KRTAP4-3: variants seen among roughly 807,000 people sequenced by gnomAD.
KRTAP4-3 encodes keratin associated protein 4-3.
In KRTAP4-3, 2 loss-of-function variants were observed where a neutral mutation model predicts 0.2. The ratio of observed to expected loss-of-function variants is 8.29; its 90% CI spans 3.39 to 26.09. KRTAP4-3 has a LOEUF of 26.09. Among genes scored for constraint, KRTAP4-3 ranks in the 30% most tolerant of loss-of-function variants. The probability of loss-of-function intolerance (pLI) is 0.03; values close to 1 mark genes in which losing one functional copy is unlikely to be tolerated. For synonymous variants in KRTAP4-3, 65 were observed against 83.6 expected, an observed-to-expected ratio of 0.78 and a Z score of 1.21; for missense variants, 186 against 247.4, an observed-to-expected ratio of 0.75 and a Z score of 1.67.
chr17:41,167,826 A>G lies in KRTAP4-3; in HGVS notation c.347T>C (p.Ile116Thr). The change falls in exon 1 of 1, where the codon ATC becomes ACC. Residue 116 changes from isoleucine (I) to threonine (T), a missense_variant. Physicochemically the swap from Ile to Thr is moderately conservative, Grantham distance 89. Coordinates refer to ENST00000391356, the MANE Select transcript of KRTAP4-3 (RefSeq NM_033187.2). ...ISSCCRPSCC[I>T]SSCCKPSCCQ... ...GCAGCTGGGTTTGCAACAGCTAGAG[A>G]TACAGCAGGAAGGCCTGCAGCAACT... is the stretch of plus-strand genomic sequence containing the variant. 6.2e-7 allele frequency: 1 copy of G among 1,600,246 alleles called. No homozygotes were observed. The highest frequency in any genetic ancestry group is 8.5e-7 in the Non-Finnish European group (1 of 1,175,702).
chr17:41,167,763 G>C lies in KRTAP4-3; in HGVS notation c.410C>G (p.Ser137Cys). 1.2e-6 allele frequency: 2 copies of C among 1,613,920 alleles called. No homozygotes were observed. Among genetic ancestry groups the C allele is most frequent in the Non-Finnish European group, 1.7e-6 (2 of 1,179,928 alleles). ...GCAGCACTGGGGCCTGTAGCAGCTGGAGATACAGCAGCTGGGGCGGCAGCA... is the reference window on the plus strand; with the variant it reads ...GCAGCACTGGGGCCTGTAGCAGCTGCAGATACAGCAGCTGGGGCGGCAGCA... Reference protein sequence around the residue: ...TTCCRPSCCISSCYRPQCCQP... With the variant: ...TTCCRPSCCICSCYRPQCCQP... The change falls in exon 1 of 1, where the codon TCC (serine) becomes TGC (cysteine). Residue 137 changes from serine to cysteine, a missense_variant. Coordinates refer to ENST00000391356, the MANE Select transcript of KRTAP4-3 (RefSeq NM_033187.2).
Position 41,167,646 on chromosome 17 carries a change from GGGCAGCTGAAAGGGCAGC to G in KRTAP4-3, c.509_526del (p.Arg170_Cys175del). On this transcript the variant is annotated inframe_deletion, in exon 1 of 1. Coordinates refer to ENST00000391356, the MANE Select transcript of KRTAP4-3 (RefSeq NM_033187.2). ...GCAGGTTGTTCTACAGCAGGTGGTCGGGCAGCTGAAAGGGCAGCGGCAGCTGGACACACAGCAGCTGGG... is the reference window on the plus strand; with the variant it reads ...GCAGGTTGTTCTACAGCAGGTGGTCGGGCAGCTGGACACACAGCAGCTGGG... The G allele has an allele frequency of 6.2e-7, 1 of 1,613,380 alleles. No homozygotes were observed. Among genetic ancestry groups the G allele is most frequent in the Non-Finnish European group, 8.5e-7 (1 of 1,179,480 alleles).
rs774851977 is a variant in KRTAP4-3 at position 41,167,748 on chromosome 17, G to A, written c.425C>T (p.Pro142Leu). Residue 142 changes from proline to leucine, a missense_variant, in exon 1 of 1, where the codon CCC becomes CTC. By Grantham distance (98) the Pro-to-Leu change is moderately conservative. This residue lies in a region of KRTAP4-3 where 139 missense variants were observed against 128.3 expected (regional missense o/e 1.08). Transcript: ENST00000391356. The stretch of plus-strand genomic sequence containing the variant: ...GCAGCAGGAGGGCTGGCAGCACTGG[G>A]GCCTGTAGCAGCTGGAGATACAGCA... ...PSCCISSCYR[P>L]QCCQPSCCRP... The A allele has an allele frequency of 6.8e-6, 11 of 1,613,728 alleles. No individual in the cohort carries two copies. The highest frequency in any genetic ancestry group is 6.7e-5 in the Admixed American group (4 of 59,934).
chr17:41,167,307 A>T lies in KRTAP4-3; in HGVS notation c.*278T>A, dbSNP rs1359854960. 4 of 333,806 alleles carry T rather than the reference A, an allele frequency of 1.2e-5. No homozygotes were observed. The highest frequency in any genetic ancestry group is 8.7e-5 in the Admixed American group (2 of 23,062). The allele number at this position is 333,806 out of a possible 1,614,324, so 20.7% of individuals were successfully genotyped here. A position where few individuals can be genotyped will look rare whatever the true frequency, so the allele number is the denominator to read the frequency against. ...GAAAATTGATACCACAGAAAACATT[A>T]GGAAGAAACATCTAGAAGGATACCA... On this transcript the variant is annotated 3_prime_UTR_variant, in exon 1 of 1. Coordinates refer to ENST00000391356, the MANE Select transcript of KRTAP4-3 (RefSeq NM_033187.2).
chr17:41,167,517 G>A lies in KRTAP4-3; in HGVS notation c.*68C>T. 1 of 1,274,294 alleles carries A rather than the reference G, an allele frequency of 7.8e-7. No individual in the cohort carries two copies. The highest frequency in any genetic ancestry group is 1.1e-6 in the Non-Finnish European group (1 of 905,390). The allele number at this position is 1,274,294 out of a possible 1,614,324, so 78.9% of individuals were successfully genotyped here. On this transcript the variant is annotated 3_prime_UTR_variant, in exon 1 of 1. Coordinates refer to ENST00000391356, the MANE Select transcript of KRTAP4-3 (RefSeq NM_033187.2). ...ACATCAGGAAGTCCACATGTTCTCT[G>A]AATAGATACTCTGTGCCTGAACTGA...
In KRTAP4-3 at chr17:41,167,775, C is replaced by T; in HGVS notation, c.398G>A (p.Ser133Asn). The change falls in exon 1 of 1, where the codon AGC (serine) becomes AAC (asparagine). Residue 133 changes from serine (S) to asparagine (N), a missense_variant. This residue lies in a region of KRTAP4-3 where 139 missense variants were observed against 128.3 expected (regional missense o/e 1.08). Coordinates refer to ENST00000391356, the MANE Select transcript of KRTAP4-3 (RefSeq NM_033187.2). ...CCTGTAGCAGCTGGAGATACAGCAG[C>T]TGGGGCGGCAGCAGGTGGTCTGGCA... is the stretch of plus-strand genomic sequence containing the variant. ...SCCQTTCCRP[S>N]CCISSCYRPQ... The T allele has an allele frequency of 6.2e-7, 1 of 1,612,956 alleles. No individual in the cohort carries two copies.
chr17:41,167,693 A>C lies in KRTAP4-3; in HGVS notation c.480T>G (p.Cys160Trp), dbSNP rs1451883990. ...CRPACCISSC[C>W]HPSCCVSSCR... ...AGCTGGACACACAGCAGCTGGGATGACAGCAACTAGAAATGCAGCAAGCCG... is the reference window on the plus strand; with the variant it reads ...AGCTGGACACACAGCAGCTGGGATGCCAGCAACTAGAAATGCAGCAAGCCG... Residue 160 changes from cysteine (C) to tryptophan (W), a missense_variant, in exon 1 of 1, where the codon TGT becomes TGG. Around this residue, in one of 3 missense-constraint regions of KRTAP4-3, gnomAD observed 139 missense variants for 128.3 expected, o/e 1.08. Coordinates refer to ENST00000391356, the MANE Select transcript of KRTAP4-3 (RefSeq NM_033187.2). 6.2e-7 allele frequency: 1 copy of C among 1,613,954 alleles called. No homozygotes were observed. The highest frequency in any genetic ancestry group is 1.1e-5 in the South Asian group (1 of 91,040).
rs375963605 is a variant in KRTAP4-3 at position 41,167,614 on chromosome 17, G to A, written c.559C>T (p.Pro187Ser). 9 of 1,610,676 alleles carry A rather than the reference G, an allele frequency of 5.6e-6. No homozygotes were observed. The highest frequency in any genetic ancestry group is 7.6e-6 in the Non-Finnish European group (9 of 1,177,318). Residue 187 changes from proline (P) to serine (S), a missense_variant, in exon 1 of 1, where the codon CCC (proline) becomes TCC (serine). Pro to Ser is a moderately conservative substitution (Grantham distance 74). Transcript: ENST00000391356. ...CAGCAAGAACTGCCGCAGCAGATGG[G>A]GTGGAAGCAGGTTGTTCTACAGCAG... ...TTCCRTTCFH[P>S]ICCGSSCC
At position 41,167,538 on chromosome 17, in the gene KRTAP4-3, AC is replaced by A. The variant is rs1210684263; in HGVS notation, c.*46del. The A allele has an allele frequency of 3.4e-6, 5 of 1,449,740 alleles. No individual in the cohort carries two copies. In the African/African-American group the frequency reaches 7.0e-5, roughly 20 times the overall value. 89.8% of individuals were successfully genotyped at this position (1,449,740 alleles called of 1,614,324 possible). ...CTCTGAATAGATACTCTGTGCCTGA[AC>A]TGAAGGTTGAGAGCAAGAAGGTGCA... On this transcript the variant is annotated 3_prime_UTR_variant, in exon 1 of 1. Coordinates refer to ENST00000391356, the MANE Select transcript of KRTAP4-3 (RefSeq NM_033187.2).
rs756142858 is a variant in KRTAP4-3, at chr17:41,167,813, G to T, written c.360C>A (p.Cys120Ter). ...AGGTGGTCTGGCAGCAGCTGGGTTT[G>T]CAACAGCTAGAGATACAGCAGGAAG... Reference protein sequence around the residue: ...CRPSCCISSCCKPSCCQTTCC... With the variant: ...CRPSCCISSC Residue 120 changes from cysteine (C) to a stop codon, truncating the protein, a stop_gained, in exon 1 of 1, where the codon TGC becomes TGA. Coordinates refer to ENST00000391356, the MANE Select transcript of KRTAP4-3 (RefSeq NM_033187.2). LOFTEE classifies it low-confidence loss of function (END_TRUNC). 3 of 1,602,300 alleles carry T rather than the reference G, an allele frequency of 1.9e-6. No homozygotes were observed. The highest frequency in any genetic ancestry group is 2.6e-6 in the Non-Finnish European group (3 of 1,176,160).
rs765071680 is a variant in KRTAP4-3 at position 41,167,785 on chromosome 17, A to C, written c.388T>G (p.Cys130Gly). 2 of 1,606,592 alleles carry C rather than the reference A, an allele frequency of 1.2e-6. No individual in the cohort carries two copies. Among genetic ancestry groups the C allele is most frequent in the South Asian group, 2.2e-5 (2 of 90,420 alleles). The change falls in exon 1 of 1, where the codon TGC (cysteine) becomes GGC (glycine). Residue 130 changes from cysteine (C) to glycine (G), a missense_variant. By Grantham distance (159) the Cys-to-Gly change is radical (BLOSUM62 -3). This residue lies in a region of KRTAP4-3 where 139 missense variants were observed against 128.3 expected (regional missense o/e 1.08). Transcript: ENST00000391356. ...CTGGAGATACAGCAGCTGGGGCGGC[A>C]GCAGGTGGTCTGGCAGCAGCTGGGT... ...CKPSCCQTTC[C>G]RPSCCISSCY...
rs556101827 is a variant in KRTAP4-3 at position 41,167,475 on chromosome 17, A to G, written c.*110T>C. The G allele has an allele frequency of 7.1e-5, 59 of 829,436 alleles. No individual in the cohort carries two copies. The African/African-American group carries it at 9.0e-4, about 13-fold the overall frequency. The allele number at this position is 829,436 out of a possible 1,614,324, so 51.4% of individuals were successfully genotyped here. On this transcript the variant is annotated 3_prime_UTR_variant, in exon 1 of 1. Transcript: ENST00000391356. ...AATAAAATATTTTCCAAATCAGTCC[A>G]TGCCTCTGTTTTCACGACATCAGGA...
Position 41,167,445 on chromosome 17 carries a change from A to G in KRTAP4-3, c.*140T>C, listed in dbSNP as rs543852157. On this transcript the variant is annotated 3_prime_UTR_variant, in exon 1 of 1. Coordinates refer to ENST00000391356, the MANE Select transcript of KRTAP4-3 (RefSeq NM_033187.2). ...TAAAAACTTCTATAAAAGAGAATAC[A>G]TACTAATAAAATATTTTCCAAATCA... The G allele has an allele frequency of 3.1e-6, 2 of 641,538 alleles. No homozygotes were observed. The highest frequency in any genetic ancestry group is 2.7e-6 in the Non-Finnish European group (1 of 372,038). The allele number at this position is 641,538 out of a possible 1,614,324, so 39.7% of individuals were successfully genotyped here.
Position 41,167,476 on chromosome 17 carries a change from T to C in KRTAP4-3, c.*109A>G, listed in dbSNP as rs577697726. 1 of 834,590 alleles carries C rather than the reference T, an allele frequency of 1.2e-6. No homozygotes were observed. The highest frequency in any genetic ancestry group is 1.8e-5 in the South Asian group (1 of 54,650). The allele number at this position is 834,590 out of a possible 1,614,324, so 51.7% of individuals were successfully genotyped here. A position where few individuals can be genotyped will look rare whatever the true frequency, so the allele number is the denominator to read the frequency against. Reference sequence around the variant, plus strand: ...ATAAAATATTTTCCAAATCAGTCCATGCCTCTGTTTTCACGACATCAGGAA... The same window carrying C: ...ATAAAATATTTTCCAAATCAGTCCACGCCTCTGTTTTCACGACATCAGGAA... On this transcript the variant is annotated 3_prime_UTR_variant, in exon 1 of 1. Transcript: ENST00000391356.
In KRTAP4-3 at chr17:41,167,836, A is replaced by G. The variant is rs748673288; in HGVS notation, c.337T>C (p.Ser113Pro). The change falls in exon 1 of 1, where the codon TCC (serine) becomes CCC (proline). Residue 113 changes from serine to proline, a missense_variant. By Grantham distance (74) the Ser-to-Pro change is moderately conservative. Transcript: ENST00000391356. The part of the protein sequence containing the change: ...SCCISSCCRP[S>P]CCISSCCKPS... ...TTGCAACAGCTAGAGATACAGCAGGAAGGCCTGCAGCAACTAGAAATGCAG... is the reference window on the plus strand; with the variant it reads ...TTGCAACAGCTAGAGATACAGCAGGGAGGCCTGCAGCAACTAGAAATGCAG... 1 of 1,600,136 alleles carries G rather than the reference A, an allele frequency of 6.2e-7. No individual in the cohort carries two copies. The highest frequency in any genetic ancestry group is 8.5e-7 in the Non-Finnish European group (1 of 1,175,430).
chr17:41,167,643 G>C lies in KRTAP4-3; in HGVS notation c.530C>G (p.Thr177Ser), dbSNP rs535039588. The C allele has an allele frequency of 6.8e-6, 11 of 1,613,788 alleles. No individual in the cohort carries two copies. The highest frequency in any genetic ancestry group is 5.3e-5 in the African/African-American group (4 of 75,048). The stretch of plus-strand genomic sequence containing the variant: ...GAAGCAGGTTGTTCTACAGCAGGTG[G>C]TCGGGCAGCTGAAAGGGCAGCGGCA... ...SSCRCPFSCP[T>S]TCCRTTCFHP... The change falls in exon 1 of 1, where the codon ACC becomes AGC. Residue 177 changes from threonine to serine, a missense_variant. By Grantham distance (58) the Thr-to-Ser change is moderately conservative (BLOSUM62 1). This residue lies in a region of KRTAP4-3 where 139 missense variants were observed against 128.3 expected (regional missense o/e 1.08). Coordinates refer to ENST00000391356, the MANE Select transcript of KRTAP4-3 (RefSeq NM_033187.2).
In KRTAP4-3 at chr17:41,167,840, C is replaced by T. The variant is rs996354673; in HGVS notation, c.333G>A (p.Arg111=). 2.5e-6 allele frequency: 4 copies of T among 1,599,844 alleles called. No homozygotes were observed. The highest frequency in any genetic ancestry group is 1.7e-4 in the Middle Eastern group (1 of 5,724). ...AACAGCTAGAGATACAGCAGGAAGG[C>T]CTGCAGCAACTAGAAATGCAGCAGC... is the stretch of plus-strand genomic sequence containing the variant. ...RPSCCISSCC[R]PSCCISSCCK... Residue 111 remains arginine (R), a synonymous_variant, in exon 1 of 1, where the codon AGG becomes AGA. Transcript: ENST00000391356.
At position 41,168,048 on chromosome 17, in the gene KRTAP4-3, G is replaced by T. The variant is rs1316501671; in HGVS notation, c.125C>A (p.Pro42His). 1.2e-6 allele frequency: 2 copies of T among 1,613,874 alleles called. No individual in the cohort carries two copies. Among genetic ancestry groups the T allele is most frequent in the Non-Finnish European group, 1.7e-6 (2 of 1,179,920 alleles). ...TTCCRTTCCR[P>H]SCCISSCCRP... ...GCAGCAACTGGAAATGCAGCAGCTG[G>T]GGCGGCAGCAGGTGGTCCTGCAGCA... is the stretch of plus-strand genomic sequence containing the variant. The change falls in exon 1 of 1, where the codon CCC (proline) becomes CAC (histidine). Residue 42 changes from proline to histidine, a missense_variant. Transcript: ENST00000391356.
In KRTAP4-3 at chr17:41,167,858, G is replaced by A. The variant is rs75909512; in HGVS notation, c.315C>T (p.Cys105=). The A allele has an allele frequency of 2.5e-6, 4 of 1,606,732 alleles. No individual in the cohort carries two copies. The highest frequency in any genetic ancestry group is 1.7e-5 in the Admixed American group (1 of 58,720). Residue 105 remains cysteine, a synonymous_variant, in exon 1 of 1, where the codon TGC becomes TGT. Coordinates refer to ENST00000391356, the MANE Select transcript of KRTAP4-3 (RefSeq NM_033187.2). ...AGGAAGGCCTGCAGCAACTAGAAAT[G>A]CAGCAGCTGGGGCGGCAGCAGGTGG... ...CRTTCCRPSC[C]ISSCCRPSCC...
Sources: gnomAD v4.1 joint callset for allele counts on GRCh38, gnomAD v4.1.1 for gene constraint, gnomAD v4.1.1 regional missense constraint, MANE v1.5 for transcripts, NCBI Gene and HGNC (gene_info 2026-07-23, HGNC 2026-07-21) for gene names.